Variants in GRAMD2B observed in about 807,000 individuals in gnomAD.
GRAMD2B encodes the protein GRAM domain-containing protein 2B.
In GRAMD2B, 41 loss-of-function variants were observed where a neutral mutation model predicts 59.2. The observed-to-expected ratio is 0.69, with a 90% CI of 0.54 to 0.90. The LOEUF (loss-of-function observed/expected upper bound fraction) is 0.90, where lower values mean the gene tolerates loss of function less well. Ranked by LOEUF, GRAMD2B falls within the 40% of genes least tolerant of loss-of-function variation. The pLI, the probability that GRAMD2B is intolerant of heterozygous loss-of-function variation, is 0.00. For missense variants in GRAMD2B, 424 were observed against 500.5 expected, an observed-to-expected ratio of 0.85 and a Z score of 1.46; for synonymous variants, 161 against 182.7, an observed-to-expected ratio of 0.88 and a Z score of 0.96.
intron 1 of GRAMD2B, among the ~76,000 whole-genome samples, chr5:126,451,316 T>C (rs1765332832): frequency 6.6e-6 from 1 of 152,232 alleles, no homozygotes. Context: ...GGGTGATTTA[T>C]AAAGAAAAGA....
rs557297057 is a variant in GRAMD2B at position 126,493,930 on chromosome 5, C to A, written c.*974C>A. On this transcript the variant is annotated 3_prime_UTR_variant, in exon 14 of 14. Coordinates refer to ENST00000285689, the MANE Select transcript of GRAMD2B (RefSeq NM_023927.4). ...GCTAACTATTTACCATATGGGTTGGCTGGTTTTTATTAATAATTGTTTAGG... is the reference window on the plus strand; with the variant it reads ...GCTAACTATTTACCATATGGGTTGGATGGTTTTTATTAATAATTGTTTAGG... 1 of 152,666 alleles carries A rather than the reference C, an allele frequency of 6.6e-6. No homozygotes were observed. Among genetic ancestry groups the A allele is most frequent in the South Asian group, 2.1e-4 (1 of 4,822 alleles). The allele number at this position is 152,666 out of a possible 1,614,324, so 9.5% of individuals were successfully genotyped here.
intron 3 of GRAMD2B, 93 bp downstream of exon 3, chr5:126,469,881 G>A: frequency 1.3e-6 from 1 of 799,318 alleles, no homozygotes; most frequent in South Asian, 1.6e-5. Flanking sequence ...CCTTCCTGCT[G>A]GTCAAGACTA....
chr5:126,408,550 A>T (rs1450598603), intron 1 of GRAMD2B, among the ~76,000 whole-genome samples: 1 of 151,310 alleles, frequency 6.6e-6, no homozygotes, highest in Non-Finnish European at 1.5e-5. Context: ...CACACAAGCC[A>T]GGGTTGCAGT....
At chr5:126,465,911 G>A (rs965737280) in intron 2 of GRAMD2B, among the ~76,000 whole-genome samples, 5 of 152,260 alleles carry the variant, frequency 3.3e-5, no homozygotes, top group African/African-American at 9.6e-5. Context: ...AAAAAAAGCC[G>A]AGGAAAAGAA....
At chr5:126,422,818 T>G (rs1010325772), upstream of GRAMD2B, among the ~76,000 whole-genome samples, 1 of 152,144 alleles carries the variant, frequency 6.6e-6, no homozygotes, top group Non-Finnish European at 1.5e-5. Flanking sequence ...AAGAGACGGC[T>G]TGGGAATTAT....
At chr5:126,461,180 C>G (rs879484198) in intron 1 of GRAMD2B, among the ~76,000 whole-genome samples, 1 of 152,154 alleles carries the variant, frequency 6.6e-6, no homozygotes, top group Admixed American at 6.5e-5. Flanking sequence ...TTTACCTGGA[C>G]TTGCATGTGA....
chr5:126,373,008 G>C (rs1754895834), intron 1 of GRAMD2B, among the ~76,000 whole-genome samples: 1 of 152,000 alleles, frequency 6.6e-6, no homozygotes, highest in African/African-American at 2.4e-5. Context: ...TAGATAAATA[G>C]AATAAAAGTA....
chr5:126,408,390 G>A (rs1758447529), intron 1 of GRAMD2B, among the ~76,000 whole-genome samples: 1 of 151,952 alleles, frequency 6.6e-6, no homozygotes, highest in South Asian at 2.1e-4. Flanking sequence ...TTGCTATTGT[G>A]AATAGTGCTG....
chr5:126,488,936 C>T, intron 13 of GRAMD2B, 44 bp downstream of exon 13: 1 of 1,429,176 alleles, frequency 7.0e-7, no homozygotes, highest in Non-Finnish European at 9.9e-7. Context: ...CACAGTAGTG[C>T]CTGTTGGTTG....
Position 126,423,605 on chromosome 5 carries a change from C to G in GRAMD2B, c.-2C>G, listed in dbSNP as rs1431401898. On this transcript the variant is annotated 5_prime_UTR_variant, in exon 1 of 14. Coordinates refer to ENST00000285689, the MANE Select transcript of GRAMD2B (RefSeq NM_023927.4). ...TGAAGGTGCCCTCCAGACACGGCCC[C>G]GATGACTGAACTACAGCAAGATGTG... is the stretch of plus-strand genomic sequence containing the variant. 10 of 1,611,662 alleles carry G rather than the reference C, an allele frequency of 6.2e-6. No homozygotes were observed. Among genetic ancestry groups the G allele is most frequent in the East Asian group, 2.2e-5 (1 of 44,750 alleles).
intron 1 of GRAMD2B, among the ~76,000 whole-genome samples, chr5:126,385,723 AAGAC>A (rs901293381): frequency 2.6e-5 from 4 of 152,228 alleles, no homozygotes; most frequent in Non-Finnish European, 5.9e-5. Context: ...TAATCAGAAA[AAGAC>A]AGGCATTAAA....
Position 126,431,603 on chromosome 5 carries a change from A to G in GRAMD2B, c.83+7914A>G, listed in dbSNP as rs112538067. On this transcript the variant is annotated intron_variant, in intron 1 of 13. Transcript: ENST00000285689. ...TGATATCTGGGCCACCCTCTGAACA[A>G]TTCAATAGAGGGCACAATGGTGATA... Among the ~76,000 whole-genome samples, 454 of 152,314 alleles carry G rather than the reference A, an allele frequency of 3.0e-3. 6 individuals are homozygous for G. The highest frequency in any genetic ancestry group is 0.01 in the African/African-American group (434 of 41,574).
intron 8 of GRAMD2B, among the ~76,000 whole-genome samples, chr5:126,481,772 C>T (rs1162968470): frequency 6.6e-6 from 1 of 151,944 alleles, no homozygotes; most frequent in Non-Finnish European, 1.5e-5. Context: ...TCGAGACCAG[C>T]CTGGCCAACA....
intron 8 of GRAMD2B, 135 bp downstream of exon 8, chr5:126,480,842 G>C (rs1771591534): frequency 2.9e-6 from 2 of 697,948 alleles, no homozygotes; most frequent in Admixed American, 5.2e-5. Context: ...AAGAAACAGG[G>C]CATATCTTCC....
chr5:126,462,424 T>G (rs1178360343), intron 1 of GRAMD2B: 1 of 985,262 alleles, frequency 1.0e-6, no homozygotes, highest in African/African-American at 1.7e-5. Context: ...TTCAGTCTGC[T>G]GCTGACAAGA....
intron 1 of GRAMD2B, among the ~76,000 whole-genome samples, chr5:126,453,965 T>C (rs1182689208): frequency 2.0e-5 from 3 of 152,244 alleles, no homozygotes. Flanking sequence ...TAATTTCTTA[T>C]ATTATTGATA....
upstream of GRAMD2B, among the ~76,000 whole-genome samples, chr5:126,370,969 A>G (rs936435408): frequency 2.0e-5 from 3 of 152,236 alleles, no homozygotes; most frequent in African/African-American, 7.2e-5. Context: ...CAACACACAC[A>G]GTGTGCTGGT....
intron 1 of GRAMD2B, among the ~76,000 whole-genome samples, chr5:126,464,435 T>C (rs1485834885): frequency 6.6e-6 from 1 of 152,190 alleles, no homozygotes; most frequent in East Asian, 1.9e-4. Context: ...CATCCCTTCC[T>C]TTCCCACTTT....
chr5:126,457,729 G>A (rs530958886), intron 1 of GRAMD2B, among the ~76,000 whole-genome samples: 45 of 147,704 alleles, frequency 3.0e-4, no homozygotes, highest in African/African-American at 1.0e-3. Context: ...CAGCATCCCA[G>A]GCAGAGGGAA....
Sources: allele counts gnomAD v4.1 joint callset (sites outside exome capture counted in the v4.1 genomes callset), GRCh38; gene constraint gnomAD v4.1.1; transcripts MANE v1.5; gene names NCBI Gene and HGNC (gene_info 2026-07-23, HGNC 2026-07-21).